XKR9: variants seen among roughly 807,000 people sequenced by gnomAD.
XKR9 encodes the protein XK related 9.
XKR9 carries 32 observed loss-of-function variants against 32.0 expected under a neutral mutation model. That is an observed-to-expected ratio of 1.00 (90% CI 0.76 to 1.34). XKR9 has a LOEUF of 1.34. Among genes scored for constraint, XKR9 ranks in the 40% most tolerant of loss-of-function variants. XKR9 has a pLI of 0.00. For synonymous variants in XKR9, 168 were observed against 143.4 expected, an observed-to-expected ratio of 1.17 and a Z score of -1.22; for missense variants, 546 against 429.7, an observed-to-expected ratio of 1.27 and a Z score of -2.39.
At chr8:70,967,224 G>A in the XKR9 span, among the ~76,000 whole-genome samples, 2 of 151,790 alleles carry the variant, frequency 1.3e-5, no homozygotes, top group South Asian at 2.1e-4. Context: ...CAGCATGCCC[G>A]GCTAATTTTG....
downstream of XKR9, among the ~76,000 whole-genome samples, chr8:70,736,344 T>G (rs1341663013): frequency 6.6e-6 from 1 of 151,788 alleles, no homozygotes; most frequent in Non-Finnish European, 1.5e-5. Flanking sequence ...TTTGTTTGAG[T>G]TCATTGTAGA....
intron 4 of XKR9, among the ~76,000 whole-genome samples, chr8:70,721,450 T>C (rs1806278829): frequency 6.6e-6 from 1 of 152,198 alleles, no homozygotes; most frequent in South Asian, 2.1e-4. Flanking sequence ...GTGCTATCAA[T>C]TTCCCTCCAA....
chr8:70,810,877 T>C, the XKR9 span, among the ~76,000 whole-genome samples: 2 of 152,102 alleles, frequency 1.3e-5, no homozygotes, highest in African/African-American at 4.8e-5. Flanking sequence ...ATTAGACAGA[T>C]CAACGAGACA....
chr8:71,013,367 C>T, the XKR9 span, among the ~76,000 whole-genome samples: 1 of 152,068 alleles, frequency 6.6e-6, no homozygotes, highest in African/African-American at 2.4e-5. Context: ...TCCCAGGTTG[C>T]CTACACACTC....
the XKR9 span, among the ~76,000 whole-genome samples, chr8:71,009,551 G>A: frequency 6.6e-6 from 1 of 152,282 alleles, no homozygotes; most frequent in South Asian, 2.1e-4. Flanking sequence ...TTTCTCTTAG[G>A]ATTGTTTTGG....
chr8:70,857,173 A>G, the XKR9 span, among the ~76,000 whole-genome samples: 5 of 152,220 alleles, frequency 3.3e-5, no homozygotes, highest in Admixed American at 2.0e-4. Context: ...CAAAAAATCA[A>G]TGAATCCAGA....
intron 2 of XKR9, among the ~76,000 whole-genome samples, chr8:70,753,029 TAAA>T (rs1438385109): frequency 2.0e-5 from 3 of 151,634 alleles, no homozygotes; most frequent in African/African-American, 4.9e-5. Context: ...GCAAGACTAA[TAAA>T]GAAGAAGAGA....
intron 2 of XKR9, among the ~76,000 whole-genome samples, chr8:70,769,053 A>G (rs1268769614): frequency 2.6e-5 from 4 of 152,014 alleles, no homozygotes; most frequent in Non-Finnish European, 2.9e-5. Flanking sequence ...GTATGTTTTT[A>G]TAGTGGCTGG....
the XKR9 span, among the ~76,000 whole-genome samples, chr8:71,032,509 TAGAC>T: frequency 3.3e-5 from 5 of 152,088 alleles, no homozygotes; most frequent in African/African-American, 9.7e-5. Context: ...AAGGAAAAGC[TAGAC>T]AGATTTGGGA....
At chr8:70,741,210 G>T (rs1206715100) in intron 2 of XKR9, among the ~76,000 whole-genome samples, 1 of 152,186 alleles carries the variant, frequency 6.6e-6, no homozygotes, top group East Asian at 1.9e-4. Context: ...CAGTATTTAA[G>T]ATTAGTTTAG....
the XKR9 span, among the ~76,000 whole-genome samples, chr8:70,829,709 A>G: frequency 6.6e-6 from 1 of 152,238 alleles, no homozygotes; most frequent in African/African-American, 2.4e-5. Flanking sequence ...CGGCCTCCCA[A>G]AGGGCTGGGA....
chr8:70,934,197 T>TA, the XKR9 span, among the ~76,000 whole-genome samples: 1 of 152,064 alleles, frequency 6.6e-6, no homozygotes, highest in African/African-American at 2.4e-5. Flanking sequence ...GCCATACTGT[T>TA]AAACTGATAT....
chr8:70,714,419 CTT>C (rs750473413), intron 4 of XKR9, among the ~76,000 whole-genome samples: 68 of 151,616 alleles, frequency 4.5e-4, no homozygotes, highest in Non-Finnish European at 8.4e-4. Context: ...TTTTAATACT[CTT>C]TTCTCTAAAT....
chr8:70,693,788 C>T (rs1033776320), intron 3 of XKR9, among the ~76,000 whole-genome samples: 10 of 152,192 alleles, frequency 6.6e-5, no homozygotes, highest in African/African-American at 2.2e-4. Flanking sequence ...TTGGCCTCTT[C>T]TCCTTAGGTT....
the XKR9 span, among the ~76,000 whole-genome samples, chr8:70,970,766 G>A: frequency 4.6e-5 from 7 of 152,044 alleles, no homozygotes; most frequent in South Asian, 2.1e-4. Context: ...AATAGTTAAC[G>A]CCAGTTAGAA....
chr8:70,792,391 A>G (rs1287332460), downstream of XKR9, among the ~76,000 whole-genome samples: 1 of 152,098 alleles, frequency 6.6e-6, no homozygotes, highest in African/African-American at 2.4e-5. Flanking sequence ...GAGCTGGGCT[A>G]TATCTGTAGT....
intron 3 of XKR9, chr8:70,683,772 G>A (rs1819165795): frequency 4.3e-6 from 1 of 233,408 alleles, no homozygotes; most frequent in African/African-American, 2.4e-5. Flanking sequence ...ATAGGTGTGA[G>A]CCACCATGTT....
At chr8:70,828,730 GAAAA>G in the XKR9 span, among the ~76,000 whole-genome samples, 2 of 119,526 alleles carry the variant, frequency 1.7e-5, no homozygotes, top group African/African-American at 3.2e-5. Flanking sequence ...CAAAAAAAAA[GAAAA>G]AAAAAAAAAA....
chr8:70,829,307 T>C, the XKR9 span, among the ~76,000 whole-genome samples: 1 of 35,072 alleles, frequency 2.9e-5, no homozygotes, highest in Non-Finnish European at 9.8e-5. Flanking sequence ...GAACATTTAA[T>C]ATGACTATTA....
Sources: allele counts gnomAD v4.1 joint callset (sites outside exome capture counted in the v4.1 genomes callset), GRCh38; gene constraint gnomAD v4.1.1; transcripts MANE v1.5; gene names NCBI Gene and HGNC (gene_info 2026-07-23, HGNC 2026-07-21).